The following ERC2 variants were observed in gnomAD, a reference collection of about 807,000 sequenced individuals.
ERC2 encodes the protein ERC protein 2.
In ERC2, 42 loss-of-function variants were observed where a neutral mutation model predicts 114.8. The ratio of observed to expected loss-of-function variants is 0.37; its 90% CI spans 0.29 to 0.47. The LOEUF is 0.47. Among genes scored for constraint, ERC2 ranks in the 20% least tolerant of loss-of-function variants. The probability of loss-of-function intolerance (pLI) is 0.99; values close to 1 mark genes in which losing one functional copy is unlikely to be tolerated. For missense variants in ERC2, 939 were observed against 1,150.7 expected, an observed-to-expected ratio of 0.82 and a Z score of 2.66; for synonymous variants, 454 against 425.5, an observed-to-expected ratio of 1.07 and a Z score of -0.82.
intron 12 of ERC2, among the ~76,000 whole-genome samples, chr3:55,960,855 C>T (rs1268857379): frequency 2.0e-5 from 3 of 152,256 alleles, no homozygotes; most frequent in African/African-American, 4.8e-5. Flanking sequence ...CATGTGTTGG[C>T]CGGGCATGGT....
At chr3:55,758,671 GCCAAA>G (rs2067215565) in intron 14 of ERC2, among the ~76,000 whole-genome samples, 1 of 152,186 alleles carries the variant, frequency 6.6e-6, no homozygotes, top group Non-Finnish European at 1.5e-5. Flanking sequence ...CATATCTGTA[GCCAAA>G]AAAATCCAGC....
At chr3:56,284,228 G>A (rs1018239909) in intron 3 of ERC2, among the ~76,000 whole-genome samples, 4 of 152,182 alleles carry the variant, frequency 2.6e-5, no homozygotes, top group Admixed American at 1.3e-4. Flanking sequence ...AAACTAGATA[G>A]AGGACTTGGT....
chr3:56,110,056 T>C (rs1056214043), intron 6 of ERC2, among the ~76,000 whole-genome samples: 1 of 152,156 alleles, frequency 6.6e-6, no homozygotes, highest in Non-Finnish European at 1.5e-5. Flanking sequence ...ATCCACCATA[T>C]AGGCAAATCA....
chr3:56,312,178 G>A (rs1001195491), intron 2 of ERC2, among the ~76,000 whole-genome samples: 1 of 152,118 alleles, frequency 6.6e-6, no homozygotes, highest in Non-Finnish European at 1.5e-5. Context: ...ACCAAGAAAT[G>A]AGTGTGTATG....
At chr3:55,740,931 T>C (rs2065932517) in intron 14 of ERC2, among the ~76,000 whole-genome samples, 1 of 152,168 alleles carries the variant, frequency 6.6e-6, no homozygotes. Context: ...TCTGGATTTT[T>C]GGATTTGAGA....
chr3:56,060,530 C>T (rs1250774637), intron 7 of ERC2, among the ~76,000 whole-genome samples: 1 of 152,230 alleles, frequency 6.6e-6, no homozygotes, highest in Non-Finnish European at 1.5e-5. Flanking sequence ...CATACACATT[C>T]TGTCTTTCAT....
intron 2 of ERC2, among the ~76,000 whole-genome samples, chr3:56,342,156 G>A (rs1256043896): frequency 6.6e-6 from 1 of 152,356 alleles, no homozygotes; most frequent in South Asian, 2.1e-4. Context: ...GAGGCTGGGA[G>A]TAACCCAGCA....
intron 8 of ERC2, among the ~76,000 whole-genome samples, chr3:56,012,386 C>A (rs1055711603): frequency 8.5e-5 from 13 of 152,148 alleles, no homozygotes; most frequent in African/African-American, 3.1e-4. Context: ...CTTATTCCCA[C>A]TCGGCAGCCT....
chr3:56,173,337 G>A lies in ERC2; in HGVS notation c.1149+109C>T, dbSNP rs190171219. 8.4e-5 allele frequency: 84 copies of A among 1,005,308 alleles called. 1 individual carries two copies. Among genetic ancestry groups the A allele is most frequent in the Admixed American group, 3.9e-4 (20 of 50,914 alleles). The allele number at this position is 1,005,308 out of a possible 1,614,324, so 62.3% of individuals were successfully genotyped here. A position where few individuals can be genotyped will look rare whatever the true frequency, so the allele number is the denominator to read the frequency against. On this transcript the variant is annotated intron_variant, in intron 4 of 17. Coordinates refer to ENST00000288221, the MANE Select transcript of ERC2 (RefSeq NM_015576.3). ...AATCCAGAAGTAAAGCATCCAGCAG[G>A]GTGCCTAGAGAAAAACACAAGGTTC...
chr3:55,970,792 C>G (rs1559953296), intron 12 of ERC2, among the ~76,000 whole-genome samples: 4 of 152,160 alleles, frequency 2.6e-5, no homozygotes, highest in African/African-American at 9.6e-5. Context: ...AGTTCCTCAA[C>G]AAGCTAAACA....
intron 3 of ERC2, among the ~76,000 whole-genome samples, chr3:56,262,503 A>G (rs2053007912): frequency 6.6e-6 from 1 of 152,218 alleles, no homozygotes; most frequent in South Asian, 2.1e-4. Context: ...TACTTTTGGC[A>G]AACTGATTCT....
chr3:56,333,394 A>T (rs2057715528), intron 2 of ERC2, among the ~76,000 whole-genome samples: 1 of 152,270 alleles, frequency 6.6e-6, no homozygotes, highest in South Asian at 2.1e-4. Context: ...GTGCTATAAG[A>T]GAAGAATGGC....
At chr3:55,702,918 C>A (rs945976894) in intron 15 of ERC2, among the ~76,000 whole-genome samples, 2 of 152,140 alleles carry the variant, frequency 1.3e-5, no homozygotes, top group African/African-American at 4.8e-5. Context: ...ACTCATTTAG[C>A]GATTCACTGA....
intron 2 of ERC2, among the ~76,000 whole-genome samples, chr3:56,419,626 A>G (rs930613689): frequency 1.3e-5 from 2 of 152,248 alleles, no homozygotes; most frequent in African/African-American, 4.8e-5. Flanking sequence ...AAATGAAGAC[A>G]TGTCTCATAT....
At chr3:56,261,094 C>A (rs1047137335) in intron 3 of ERC2, among the ~76,000 whole-genome samples, 2 of 152,212 alleles carry the variant, frequency 1.3e-5, no homozygotes, top group African/African-American at 2.4e-5. Context: ...TCCCAGCTCT[C>A]TGCTGCCTCC....
chr3:55,960,266 A>T (rs1396126718), intron 12 of ERC2, among the ~76,000 whole-genome samples: 1 of 152,174 alleles, frequency 6.6e-6, no homozygotes, highest in Non-Finnish European at 1.5e-5. Context: ...TTTGCTGGCC[A>T]GTCTCATCCC....
At chr3:56,191,724 CCT>C (rs1467322592) in intron 3 of ERC2, among the ~76,000 whole-genome samples, 1 of 152,078 alleles carries the variant, frequency 6.6e-6, no homozygotes, top group Non-Finnish European at 1.5e-5. Flanking sequence ...CTGATGTTCC[CCT>C]GACTGCAGTC....
chr3:56,212,629 A>C (rs186803494), intron 3 of ERC2, among the ~76,000 whole-genome samples: 264 of 152,350 alleles, frequency 1.7e-3, no homozygotes, highest in Admixed American at 4.7e-3. Context: ...AAAATAAGTC[A>C]TTACATGAAA....
chr3:56,076,327 A>G (rs1411648020), intron 7 of ERC2, among the ~76,000 whole-genome samples: 3 of 152,188 alleles, frequency 2.0e-5, no homozygotes, highest in African/African-American at 7.2e-5. Context: ...GTAAGAATCT[A>G]TGTGTTACAT....
Sources: allele counts gnomAD v4.1 joint callset (sites outside exome capture counted in the v4.1 genomes callset), GRCh38; gene constraint gnomAD v4.1.1; transcripts MANE v1.5; gene names NCBI Gene and HGNC (gene_info 2026-07-23, HGNC 2026-07-21).